The following PTPRT variants were observed in gnomAD, a reference collection of about 807,000 sequenced individuals.
PTPRT encodes receptor-type tyrosine-protein phosphatase T.
In PTPRT, 56 loss-of-function variants were observed where a neutral mutation model predicts 176.8. That is an observed-to-expected ratio of 0.32 (90% confidence interval 0.26 to 0.40). The LOEUF is 0.40. PTPRT is among the 10% of genes least tolerant of loss of function. The pLI, the probability that PTPRT is intolerant of heterozygous loss-of-function variation, is 1.00. For synonymous variants in PTPRT, 783 were observed against 739.0 expected, an observed-to-expected ratio of 1.06 and a Z score of -0.96; for missense variants, 1,540 against 1,908.2, an observed-to-expected ratio of 0.81 and a Z score of 3.60.
At chr20:42,115,044 T>C (rs1987198359) in intron 22 of PTPRT, among the ~76,000 whole-genome samples, 155 bp downstream of exon 22, 1 of 152,208 alleles carries the variant, frequency 6.6e-6, no homozygotes, top group African/African-American at 2.4e-5. Flanking sequence ...GGATCCCTGG[T>C]AGCAGGACCC....
intron 1 of PTPRT, among the ~76,000 whole-genome samples, chr20:42,983,021 G>T (rs1431067863): frequency 6.6e-6 from 1 of 152,152 alleles, no homozygotes; most frequent in African/African-American, 2.4e-5. Context: ...GATTTGGGCA[G>T]CAACCTGTCT....
At chr20:42,683,939 C>T (rs192166096) in intron 6 of PTPRT, among the ~76,000 whole-genome samples, 75 of 152,336 alleles carry the variant, frequency 4.9e-4, no homozygotes, top group African/African-American at 1.8e-3. Context: ...AATGACTACC[C>T]TAACAGTGAG....
intron 8 of PTPRT, among the ~76,000 whole-genome samples, chr20:42,468,331 G>T (rs2071135037): frequency 6.6e-6 from 1 of 152,178 alleles, no homozygotes; most frequent in African/African-American, 2.4e-5. Context: ...TGTCCTTGAG[G>T]TGAACGAGTT....
chr20:42,484,295 C>T lies in PTPRT; in HGVS notation c.1154-11733G>A, dbSNP rs1052922726. Among the ~76,000 whole-genome samples, 4 of 152,204 alleles carry T rather than the reference C, an allele frequency of 2.6e-5. No individual in the cohort carries two copies. The East Asian group carries it at 7.7e-4, about 29-fold the overall frequency. ...CAAACAACTTAATAAGTATTTGCGTCCTAACAAATAAGAAGTGGTTTGAGA... is the reference window on the plus strand; with the variant it reads ...CAAACAACTTAATAAGTATTTGCGTTCTAACAAATAAGAAGTGGTTTGAGA... On this transcript the variant is annotated intron_variant, in intron 7 of 30. Coordinates refer to ENST00000373187, the MANE Select transcript of PTPRT (RefSeq NM_007050.6).
intron 9 of PTPRT, among the ~76,000 whole-genome samples, chr20:42,435,537 G>C (rs1466598327): frequency 6.6e-6 from 1 of 152,158 alleles, no homozygotes; most frequent in Non-Finnish European, 1.5e-5. Context: ...AGGCCAGTGA[G>C]ACCAGAGGGA....
chr20:42,754,385 C>A (rs2076801615), intron 6 of PTPRT, among the ~76,000 whole-genome samples: 1 of 151,904 alleles, frequency 6.6e-6, no homozygotes, highest in Non-Finnish European at 1.5e-5. Flanking sequence ...GGGGTTTCAC[C>A]ATGTTGGCCA....
chr20:42,864,856 A>G (rs995418710), intron 2 of PTPRT, among the ~76,000 whole-genome samples: 3 of 152,268 alleles, frequency 2.0e-5, no homozygotes, highest in African/African-American at 7.2e-5. Flanking sequence ...ACAAATCTAA[A>G]AATCAGGCTT....
chr20:42,284,307 AG>A (rs1384684856), intron 12 of PTPRT, among the ~76,000 whole-genome samples: 1 of 152,048 alleles, frequency 6.6e-6, no homozygotes, highest in Non-Finnish European at 1.5e-5. Context: ...CAAAAATAAA[AG>A]TATTGGTTAG....
intron 13 of PTPRT, among the ~76,000 whole-genome samples, chr20:42,251,851 G>T (rs1418201482): frequency 1.3e-5 from 2 of 152,174 alleles, no homozygotes; most frequent in Non-Finnish European, 2.9e-5. Context: ...GAGGGCTGTT[G>T]TTCTTTAACC....
At chr20:43,185,287 CTTGT>C (rs1241304407) in intron 1 of PTPRT, among the ~76,000 whole-genome samples, 2 of 152,136 alleles carry the variant, frequency 1.3e-5, no homozygotes, top group Non-Finnish European at 2.9e-5. Context: ...TTATTCTTTG[CTTGT>C]TTATCAAGTG....
chr20:42,597,121 G>A (rs188706950), intron 7 of PTPRT, among the ~76,000 whole-genome samples: 7 of 152,232 alleles, frequency 4.6e-5, no homozygotes, highest in Non-Finnish European at 7.4e-5. Context: ...TCTTCCAAGC[G>A]CACATAATTA....
rs564309213 is a variant in PTPRT, at chr20:43,032,789, G to A, written c.89-146857C>T. On this transcript the variant is annotated intron_variant, in intron 1 of 30. Coordinates refer to ENST00000373187, the MANE Select transcript of PTPRT (RefSeq NM_007050.6). Reference sequence around the variant, plus strand: ...AAGAATGGCCTACATTAGCCTGCCCGTAAAAAGTGAAGCCTTTATTTCACA... The same window carrying A: ...AAGAATGGCCTACATTAGCCTGCCCATAAAAAGTGAAGCCTTTATTTCACA... Among the ~76,000 whole-genome samples, 263 of 152,196 alleles carry A rather than the reference G, an allele frequency of 1.7e-3. 1 individual carries two copies. Among genetic ancestry groups the A allele is most frequent in the Middle Eastern group, 6.8e-3 (2 of 294 alleles).
intron 7 of PTPRT, among the ~76,000 whole-genome samples, chr20:42,673,553 A>G (rs2223543): frequency 2.0e-5 from 3 of 152,214 alleles, no homozygotes; most frequent in Middle Eastern, 3.4e-3. Flanking sequence ...TGAGGGCTGG[A>G]AAGTCCAATA....
intron 12 of PTPRT, among the ~76,000 whole-genome samples, chr20:42,310,682 A>G (rs996081150): frequency 1.3e-5 from 2 of 152,074 alleles, no homozygotes; most frequent in African/African-American, 2.4e-5. Context: ...TTCCTACTCT[A>G]TGATGCTATA....
At chr20:42,096,036 T>C (rs1271017202) in intron 27 of PTPRT, among the ~76,000 whole-genome samples, 1 of 152,168 alleles carries the variant, frequency 6.6e-6, no homozygotes, top group Non-Finnish European at 1.5e-5. Context: ...TCTGCAACTT[T>C]CCTTCTTATT....
intron 13 of PTPRT, among the ~76,000 whole-genome samples, chr20:42,256,665 A>G: frequency 6.6e-6 from 1 of 150,430 alleles, no homozygotes; most frequent in East Asian, 2.0e-4. Flanking sequence ...ATCAGACAGC[A>G]TTCAACCAGG....
At chr20:42,222,414 G>A (rs957010095) in intron 15 of PTPRT, among the ~76,000 whole-genome samples, 5 of 152,102 alleles carry the variant, frequency 3.3e-5, no homozygotes, top group Non-Finnish European at 2.9e-5. Context: ...TATAATGTTG[G>A]GTGTGTTAGG....
intron 6 of PTPRT, among the ~76,000 whole-genome samples, chr20:42,694,167 T>A (rs979609835): frequency 6.6e-6 from 1 of 151,928 alleles, no homozygotes; most frequent in African/African-American, 2.4e-5. Flanking sequence ...GCCTCTCAAG[T>A]AGCTGGGACT....
chr20:42,922,081 G>A lies in PTPRT; in HGVS notation c.89-36149C>T, dbSNP rs571366637. ...CTCCCGAGTAGCTGGGACTACAGGCGTGTACCACCACACCTAGCTAATTTT... is the reference window on the plus strand; with the variant it reads ...CTCCCGAGTAGCTGGGACTACAGGCATGTACCACCACACCTAGCTAATTTT... On this transcript the variant is annotated intron_variant, in intron 1 of 30. Coordinates refer to ENST00000373187, the MANE Select transcript of PTPRT (RefSeq NM_007050.6). Among the ~76,000 whole-genome samples, 67 of 152,184 alleles carry A rather than the reference G, an allele frequency of 4.4e-4. 2 individuals are homozygous for A. Among genetic ancestry groups the A allele is most frequent in the African/African-American group, 1.3e-3 (52 of 41,518 alleles).
Sources: allele counts gnomAD v4.1 joint callset (sites outside exome capture counted in the v4.1 genomes callset), GRCh38; gene constraint gnomAD v4.1.1; transcripts MANE v1.5; gene names NCBI Gene and HGNC (gene_info 2026-07-23, HGNC 2026-07-21).